LRRC37A2: variants seen among roughly 807,000 people sequenced by gnomAD.
LRRC37A2 encodes leucine rich repeat containing 37 member A2, also known as leucine-rich repeat-containing protein 37A2.
A neutral mutation model predicts 68.8 loss-of-function variants in LRRC37A2; 9 were observed. The observed-to-expected ratio is 0.13, with a 90% CI of 0.08 to 0.23. The LOEUF (loss-of-function observed/expected upper bound fraction) is 0.23. Ranked by LOEUF, LRRC37A2 falls within the 10% of genes least tolerant of loss-of-function variation. LRRC37A2 has a pLI of 1.00. For synonymous variants in LRRC37A2, 63 were observed against 367.6 expected (o/e 0.17, Z 9.48); for missense variants, 168 against 950.4 (o/e 0.18, Z 10.82).
At chr17:46,826,072 T>A in the LRRC37A2 span, among the ~76,000 whole-genome samples, 2 of 152,178 alleles carry the variant, frequency 1.3e-5, no homozygotes, top group Non-Finnish European at 2.9e-5. Context: ...GTTCTCTCCA[T>A]CTCAGGGGTC....
the LRRC37A2 span, chr17:46,768,920 G>T: frequency 7.0e-7 from 1 of 1,433,920 alleles, no homozygotes; most frequent in Non-Finnish European, 9.3e-7. The surrounding 1 kb of genome is among the most constrained non-coding windows in gnomAD (Gnocchi z 5.0). Flanking sequence ...TCTGTGACAG[G>T]AAGAGAACTG....
the LRRC37A2 span, among the ~76,000 whole-genome samples, chr17:46,896,301 GAAAA>G: frequency 8.6e-6 from 1 of 115,776 alleles, no homozygotes; most frequent in Non-Finnish European, 1.9e-5. Context: ...CTCAAAAAAA[GAAAA>G]AGAAAGAAAG....
At chr17:47,022,025 TCCA>T in the LRRC37A2 span, 1 of 1,061,930 alleles carries the variant, frequency 9.4e-7, no homozygotes, top group South Asian at 1.4e-5. Context: ...ATATTTCTCC[TCCA>T]TGCCCCAAAT....
chr17:46,940,722 G>T, the LRRC37A2 span: 1 of 1,598,216 alleles, frequency 6.3e-7, no homozygotes, highest in Admixed American at 1.7e-5. Context: ...CTTGACAGTG[G>T]TTGGCTTTGA....
the LRRC37A2 span, chr17:46,934,966 C>T: frequency 6.8e-7 from 1 of 1,472,588 alleles, no homozygotes; most frequent in South Asian, 1.1e-5. Context: ...AAAGACAGAG[C>T]AGTGAGACCC....
At chr17:46,575,456 G>A in the LRRC37A2 span, among the ~76,000 whole-genome samples, 1 of 150,048 alleles carries the variant, frequency 6.7e-6, no homozygotes, top group Non-Finnish European at 1.5e-5. Flanking sequence ...TGCCACTAAG[G>A]AAGGCCAGCT....
chr17:46,994,187 C>A, the LRRC37A2 span, among the ~76,000 whole-genome samples: 1 of 151,528 alleles, frequency 6.6e-6, no homozygotes, highest in Non-Finnish European at 1.5e-5. Context: ...GAGTTTGAGA[C>A]CAGCCTGGCC....
At chr17:46,856,813 G>A in the LRRC37A2 span, among the ~76,000 whole-genome samples, 6 of 152,210 alleles carry the variant, frequency 3.9e-5, no homozygotes, top group African/African-American at 1.4e-4. Flanking sequence ...GCACAGTTTG[G>A]GTTTTAACAA....
the LRRC37A2 span, among the ~76,000 whole-genome samples, chr17:47,021,004 A>G: frequency 6.6e-6 from 1 of 152,110 alleles, no homozygotes; most frequent in East Asian, 1.9e-4. Context: ...AAATGGGAGT[A>G]CAGTCTAGGC....
At chr17:46,933,631 C>CTTTTTTTTT in the LRRC37A2 span, 2 of 134,748 alleles carry the variant, frequency 1.5e-5, no homozygotes, top group East Asian at 2.1e-4. Context: ...GTGGCATAAC[C>CTTTTTTTTT]TTTTTTTTTT....
chr17:46,938,675 GGGCTTTCCAGGACAAGTACTTTATGATA>G, the LRRC37A2 span: 77 of 1,613,848 alleles, frequency 4.8e-5, no homozygotes, highest in Non-Finnish European at 6.4e-5. Context: ...ATCGAGAAGC[GGGCTTTCCAGGACAAGTACTTTATGATA>G]GGTGGGATGC....
At chr17:46,633,511 G>A in the LRRC37A2 span, among the ~76,000 whole-genome samples, 1 of 140,960 alleles carries the variant, frequency 7.1e-6, no homozygotes, top group Non-Finnish European at 1.6e-5. Context: ...CCAAAGTGCT[G>A]GGATTGCAGG....
intron 8 of LRRC37A2, among the ~76,000 whole-genome samples, chr17:46,542,894 AT>A (rs2055650855): frequency 6.7e-6 from 1 of 150,092 alleles, no homozygotes; most frequent in South Asian, 2.1e-4. Context: ...AGGGCCCTTC[AT>A]TTAGCACTCT....
chr17:46,548,791 C>G (rs771243099), exon 10 of LRRC37A2: 2 of 1,611,816 alleles, frequency 1.2e-6, no homozygotes, highest in South Asian at 2.2e-5. Context: ...GGAACAGCCC[C>G]ACACACAGCA....
chr17:46,493,313 C>T, the LRRC37A2 span, among the ~76,000 whole-genome samples: 13 of 119,042 alleles, frequency 1.1e-4, no homozygotes, highest in Admixed American at 8.4e-5. Flanking sequence ...GTGCGCACCA[C>T]CACACCTGGC....
At chr17:46,786,061 A>G in the LRRC37A2 span, among the ~76,000 whole-genome samples, 1 of 33,524 alleles carries the variant, frequency 3.0e-5, no homozygotes, top group East Asian at 1.9e-3. Context: ...TTTCTTACCC[A>G]CCCCCCCACC....
chr17:46,934,145 G>A, the LRRC37A2 span, among the ~76,000 whole-genome samples: 1 of 149,072 alleles, frequency 6.7e-6, no homozygotes, highest in Admixed American at 6.6e-5. Flanking sequence ...CCTGCGCTCA[G>A]TACCCACATT....
chr17:46,738,126 G>T, the LRRC37A2 span, among the ~76,000 whole-genome samples: 23 of 152,050 alleles, frequency 1.5e-4, no homozygotes, highest in Admixed American at 5.2e-4. Context: ...TATAGACAGG[G>T]TTTTGCCATG....
the LRRC37A2 span, chr17:46,931,130 C>G: frequency 1.9e-6 from 3 of 1,608,630 alleles, no homozygotes; most frequent in Non-Finnish European, 2.6e-6. Context: ...CAAGCATAGA[C>G]CAGATATTCA....
Sources: allele counts gnomAD v4.1 joint callset (sites outside exome capture counted in the v4.1 genomes callset), GRCh38; gene constraint gnomAD v4.1.1; non-coding constraint Gnocchi (gnomAD v3.1); transcripts MANE v1.5; gene names NCBI Gene and HGNC (gene_info 2026-07-23, HGNC 2026-07-21).